CCAR2: variants seen among roughly 807,000 people sequenced by gnomAD.
CCAR2 encodes the protein cell cycle and apoptosis regulator 2.
Under a neutral mutation model 108.1 loss-of-function variants are expected in CCAR2, and 21 were observed. The observed-to-expected ratio is 0.19, with a 90% CI of 0.14 to 0.28. The LOEUF is 0.28. CCAR2 is among the 10% of genes least tolerant of loss of function. The pLI is 1.00. For missense variants in CCAR2, 1,126 were observed against 1,177.0 expected (o/e 0.96, Z 0.63); for synonymous variants, 577 against 472.8 (o/e 1.22, Z -2.86).
chr8:22,614,023 T>C, intron 8 of CCAR2, 69 bp from the exon 9 acceptor site: 1 of 1,454,524 alleles, frequency 6.9e-7, no homozygotes, highest in Non-Finnish European at 9.4e-7. Context: ...TTTTTTCAAA[T>C]CTTTGATGGT....
rs1801055445 is a variant in CCAR2, at chr8:22,605,848, C to G, written c.58+17C>G. 6.2e-7 allele frequency: 1 copy of G among 1,611,450 alleles called. No individual in the cohort carries two copies. Among genetic ancestry groups the G allele is most frequent in the Non-Finnish European group, 8.5e-7 (1 of 1,178,388 alleles). ...ACTTCTCAGGTGATCACTGTTCTCC[C>G]TACCTGGCCTCATCCTGGGAAGTAT... On this transcript the variant is annotated intron_variant, in intron 2 of 20. Transcript: ENST00000308511.
At chr8:22,607,418 T>TACCC in intron 6 of CCAR2, 93 bp downstream of exon 6, 6 of 1,423,550 alleles carry the variant, frequency 4.2e-6, no homozygotes, top group Non-Finnish European at 5.7e-6. Flanking sequence ...TAGAGGTGGG[T>TACCC]ACTTCTATGT....
rs200648214 is a variant in CCAR2, at chr8:22,619,234, C to T, written c.2606C>T (p.Ala869Val). 133 of 1,572,188 alleles carry T rather than the reference C, an allele frequency of 8.5e-5. No homozygotes were observed. Among genetic ancestry groups the T allele is most frequent in the Middle Eastern group, 1.7e-4 (1 of 6,000 alleles). ...AEMQELRVRL[A>V]EAEETARTAE... ...ATGCAGGAGCTGCGAGTCCGGCTGG[C>T]GGAGGCCGAGGAGACCGCCCGGACG... Residue 869 changes from alanine to valine, a missense_variant, in exon 20 of 21, where the codon GCG (alanine) becomes GTG (valine). Physicochemically the swap from Ala to Val is moderately conservative, Grantham distance 64. This residue lies in a region of CCAR2 where 1,013 missense variants were observed against 993.9 expected (regional missense o/e 1.02). Coordinates refer to ENST00000308511, the MANE Select transcript of CCAR2 (RefSeq NM_001393997.1).
intron 7 of CCAR2, among the ~76,000 whole-genome samples, chr8:22,611,379 AG>A (rs1401409051): frequency 3.4e-4 from 10 of 29,712 alleles, no homozygotes; most frequent in African/African-American, 1.0e-3. Flanking sequence ...AAAAAAAAAA[AG>A]TATATATATG....
chr8:22,621,198 G>A (rs1322855451), downstream of CCAR2: 3 of 578,900 alleles, frequency 5.2e-6, no homozygotes, highest in Non-Finnish European at 6.0e-6. Flanking sequence ...AAAGCCCCAA[G>A]GGTTTGTCTA....
In CCAR2 at chr8:22,615,838, C is replaced by A. The variant is rs770017667; in HGVS notation, c.1534C>A (p.Arg512Ser). 1.2e-6 allele frequency: 2 copies of A among 1,614,010 alleles called. No homozygotes were observed. The highest frequency in any genetic ancestry group is 2.2e-5 in the East Asian group (1 of 44,866). ...PPPLEPAVIA[R>S]PGCVNLSLHG... Reference sequence around the variant, plus strand: ...CCCCCTAGAACCTGCTGTCATCGCACGCCCTGGCTGTGTAAACCTGTCCCT... The same window carrying A: ...CCCCCTAGAACCTGCTGTCATCGCAAGCCCTGGCTGTGTAAACCTGTCCCT... The change falls in exon 13 of 21, where the codon CGC (arginine) becomes AGC (serine). Residue 512 changes from arginine to serine, a missense_variant. Physicochemically the swap from Arg to Ser is moderately radical, Grantham distance 110. Transcript: ENST00000308511.
chr8:22,619,808 G>A lies in CCAR2; in HGVS notation c.*126G>A. The A allele has an allele frequency of 9.8e-7, 1 of 1,025,078 alleles. No homozygotes were observed. Among genetic ancestry groups the A allele is most frequent in the Non-Finnish European group, 1.5e-6 (1 of 685,382 alleles). 63.5% of individuals were successfully genotyped at this position (1,025,078 alleles called of 1,614,324 possible). A position where few individuals can be genotyped will look rare whatever the true frequency, so the allele number is the denominator to read the frequency against. On this transcript the variant is annotated 3_prime_UTR_variant, in exon 21 of 21. Coordinates refer to ENST00000308511, the MANE Select transcript of CCAR2 (RefSeq NM_001393997.1). ...CCAGGGCAGGGGTGGCTGACCCCAT[G>A]CTCAGCCTCTAGGGGACGGCAGGCC...
rs778736822 is a variant in CCAR2, at chr8:22,619,157, C to G, written c.2529C>G (p.Ser843Arg). The change falls in exon 20 of 21, where the codon AGC (serine) becomes AGG (arginine). Residue 843 changes from serine to arginine, a missense_variant. Ser to Arg is a moderately radical substitution (Grantham distance 110, BLOSUM62 -1). This residue lies in a region of CCAR2 where 1,013 missense variants were observed against 993.9 expected (regional missense o/e 1.02). Transcript: ENST00000308511. ...IHTLELKLEE[S>R]HNRFSATEVT... ...TCCTTCTCCACCTTGCAGAGGAGAG[C>G]CATAACCGTTTCTCAGCCACTGAAG... The G allele has an allele frequency of 4.4e-6, 7 of 1,603,512 alleles. No individual in the cohort carries two copies. The South Asian group carries it at 7.8e-5, about 18-fold the overall frequency.
chr8:22,611,226 C>T (rs979490890), intron 7 of CCAR2, among the ~76,000 whole-genome samples: 7 of 151,082 alleles, frequency 4.6e-5, no homozygotes, highest in Non-Finnish European at 7.4e-5. Context: ...CCAGGCATGG[C>T]GGTGGGTACC....
At position 22,605,721 on chromosome 8, in the gene CCAR2, C is replaced by T. The variant is rs200324788; in HGVS notation, c.-38-15C>T. On this transcript the variant is annotated splice_polypyrimidine_tract_variant and intron_variant, in intron 1 of 20. Transcript: ENST00000308511. ...TCCCTTATAAGCTGTTAATTTCTTT[C>T]TTTTTGGATTGAAGCCTTTTCCCCA... 4.0e-6 allele frequency: 6 copies of T among 1,488,532 alleles called. No individual in the cohort carries two copies. Among genetic ancestry groups the T allele is most frequent in the Non-Finnish European group, 5.6e-6 (6 of 1,071,954 alleles). 92.2% of individuals were successfully genotyped at this position (1,488,532 alleles called of 1,614,324 possible). A position where few individuals can be genotyped will look rare whatever the true frequency, so the allele number is the denominator to read the frequency against.
chr8:22,617,516 C>T lies in CCAR2; in HGVS notation c.1942C>T (p.Leu648=), dbSNP rs774219364. The change falls in exon 15 of 21, where the codon CTG becomes TTG. Residue 648 remains leucine, a synonymous_variant. Coordinates refer to ENST00000308511, the MANE Select transcript of CCAR2 (RefSeq NM_001393997.1). ...EASEDLCEMA[L]DPELLLLRDD... ...TTCTGAGGACCTGTGTGAGATGGCC[C>T]TGGACCCAGAACTGTTGCTTCTGAG... is the stretch of plus-strand genomic sequence containing the variant. 2.2e-5 allele frequency: 35 copies of T among 1,607,344 alleles called. No homozygotes were observed.
rs1010302689 is a variant in CCAR2, at chr8:22,605,951, C to G, written c.58+120C>G. On this transcript the variant is annotated intron_variant, in intron 2 of 20. Coordinates refer to ENST00000308511, the MANE Select transcript of CCAR2 (RefSeq NM_001393997.1). Reference sequence around the variant, plus strand: ...TGTTCCTCTGGAAAGCAGGAGATGCCCACAGTGATTGCCAGTGAAGCTCTG... The same window carrying G: ...TGTTCCTCTGGAAAGCAGGAGATGCGCACAGTGATTGCCAGTGAAGCTCTG... 4 of 1,282,704 alleles carry G rather than the reference C, an allele frequency of 3.1e-6. No homozygotes were observed. The African/African-American group carries it at 5.9e-5, about 19-fold the overall frequency. 79.5% of individuals were successfully genotyped at this position (1,282,704 alleles called of 1,614,324 possible).
rs141429680 is a variant in CCAR2, at chr8:22,616,224, G to C, written c.1821G>C (p.Pro607=). 6.2e-6 allele frequency: 10 copies of C among 1,612,960 alleles called. No individual in the cohort carries two copies. The highest frequency in any genetic ancestry group is 7.6e-6 in the Non-Finnish European group (9 of 1,180,004). The change falls in exon 14 of 21, where the codon CCG becomes CCC. Residue 607 remains proline, a synonymous_variant. Coordinates refer to ENST00000308511, the MANE Select transcript of CCAR2 (RefSeq NM_001393997.1). Reference sequence around the variant, plus strand: ...AGGATGAGGCACAGAATGAGGGCCCGGCTACAGAGTCAGAGGCCCCGCTGG... The same window carrying C: ...AGGATGAGGCACAGAATGAGGGCCCCGCTACAGAGTCAGAGGCCCCGCTGG... The part of the protein sequence containing the change: ...EPKDEAQNEG[P]ATESEAPLKE...
chr8:22,615,520 C>A lies in CCAR2; in HGVS notation c.1301C>A (p.Pro434His). The A allele has an allele frequency of 6.2e-7, 1 of 1,614,006 alleles. No homozygotes were observed. The highest frequency in any genetic ancestry group is 8.5e-7 in the Non-Finnish European group (1 of 1,180,038). The change falls in exon 12 of 21, where the codon CCT becomes CAT. Residue 434 changes from proline (P) to histidine (H), a missense_variant. Pro to His is a moderately conservative substitution (Grantham distance 77). Around this residue, in one of 4 missense-constraint regions of CCAR2, gnomAD observed 1,013 missense variants for 993.9 expected, o/e 1.02. Coordinates refer to ENST00000308511, the MANE Select transcript of CCAR2 (RefSeq NM_001393997.1). The part of the protein sequence containing the change: ...VYLPDVWTIM[P>H]TLEEWEALCQ... ...CTGCCGGATGTCTGGACCATCATGC[C>A]TACTTTGGAGGAGTGGGAGGCCCTG... is the stretch of plus-strand genomic sequence containing the variant.
intron 8 of CCAR2, 70 bp downstream of exon 8, chr8:22,613,206 T>A (rs1801361724): frequency 1.4e-6 from 2 of 1,432,408 alleles, no homozygotes; most frequent in Non-Finnish European, 9.2e-7. Context: ...TGAGATGGCG[T>A]CTATGCAAGT....
intron 7 of CCAR2, among the ~76,000 whole-genome samples, chr8:22,611,653 A>G (rs1176591864): frequency 6.6e-6 from 1 of 152,064 alleles, no homozygotes; most frequent in East Asian, 1.9e-4. Flanking sequence ...TTACAGTTCA[A>G]ATTATTTTTG....
At chr8:22,606,533 G>A in intron 3 of CCAR2, 74 bp from the exon 4 acceptor site, 1 of 1,220,754 alleles carries the variant, frequency 8.2e-7, no homozygotes, top group South Asian at 1.2e-5. Context: ...GGGTTGAGAT[G>A]AGACCTTCAT....
At chr8:22,614,672 C>A in intron 10 of CCAR2, 166 bp from the exon 11 acceptor site, 1 of 1,061,220 alleles carries the variant, frequency 9.4e-7, no homozygotes, top group Non-Finnish European at 1.4e-6. Flanking sequence ...TACGACTAGT[C>A]AGAGAGAGCG....
chr8:22,606,461 G>A (rs1477846635), intron 3 of CCAR2, 146 bp from the exon 4 acceptor site: 2 of 682,900 alleles, frequency 2.9e-6, no homozygotes, highest in East Asian at 2.7e-5. Flanking sequence ...GATGGAGTAT[G>A]CCCACCACAC....
Sources: allele counts gnomAD v4.1 joint callset (sites outside exome capture counted in the v4.1 genomes callset), GRCh38; gene constraint gnomAD v4.1.1; regional missense constraint gnomAD v4.1.1; transcripts MANE v1.5; gene names NCBI Gene and HGNC (gene_info 2026-07-23, HGNC 2026-07-21).